Variants in EPB41L3 observed in about 807,000 individuals in gnomAD.
EPB41L3 encodes erythrocyte membrane protein band 4.1 like 3, also known as band 4.1-like protein 3.
Under a neutral mutation model 127.1 loss-of-function variants are expected in EPB41L3, and 57 were observed. That is an observed-to-expected ratio of 0.45 (90% CI 0.36 to 0.56). The LOEUF (loss-of-function observed/expected upper bound fraction) is 0.56. Among genes scored for constraint, EPB41L3 ranks in the 20% least tolerant of loss-of-function variants. EPB41L3 has a pLI of 0.00. For synonymous variants in EPB41L3, 572 were observed against 549.5 expected (o/e 1.04, Z -0.57); for missense variants, 1,273 against 1,372.2 (o/e 0.93, Z 1.14).
chr18:5,457,393 C>G (rs1474464596), intron 3 of EPB41L3, among the ~76,000 whole-genome samples: 1 of 151,666 alleles, frequency 6.6e-6, no homozygotes, highest in Non-Finnish European at 1.5e-5. Flanking sequence ...TTTTGGAAGT[C>G]TTGCTGATCC....
At chr18:5,585,245 C>T (rs1206049999) in intron 3 of EPB41L3, among the ~76,000 whole-genome samples, 1 of 152,126 alleles carries the variant, frequency 6.6e-6, no homozygotes, top group Non-Finnish European at 1.5e-5. Flanking sequence ...AATGTGTGAT[C>T]GTGTCTCTAC....
At chr18:5,573,625 T>C (rs2094306355) in intron 3 of EPB41L3, among the ~76,000 whole-genome samples, 1 of 152,180 alleles carries the variant, frequency 6.6e-6, no homozygotes. Context: ...ACTGGGTTGG[T>C]TCAAAGACTA....
chr18:5,435,018 T>C (rs1162613392), intron 6 of EPB41L3, among the ~76,000 whole-genome samples: 1 of 152,162 alleles, frequency 6.6e-6, no homozygotes, highest in African/African-American at 2.4e-5. Flanking sequence ...CCTAGGCTAA[T>C]AATATATGTG....
chr18:5,618,703 TAAAA>T (rs369909150), intron 1 of EPB41L3, among the ~76,000 whole-genome samples: 2 of 151,526 alleles, frequency 1.3e-5, no homozygotes, highest in Non-Finnish European at 2.9e-5. Flanking sequence ...TGAAAAGTGG[TAAAA>T]AAAAACTACA....
chr18:5,589,580 A>C (rs1599147127), intron 3 of EPB41L3, among the ~76,000 whole-genome samples: 1 of 152,256 alleles, frequency 6.6e-6, no homozygotes, highest in South Asian at 2.1e-4. Context: ...TGTTATAAAA[A>C]GAAAATGTTT....
intron 5 of EPB41L3, among the ~76,000 whole-genome samples, chr18:5,441,699 C>T (rs1267000327): frequency 6.6e-6 from 1 of 151,982 alleles, no homozygotes; most frequent in East Asian, 1.9e-4. Context: ...CTCCTGACCT[C>T]GTGATCCGCC....
chr18:5,617,182 T>C (rs932319463), intron 1 of EPB41L3, among the ~76,000 whole-genome samples: 2 of 152,212 alleles, frequency 1.3e-5, no homozygotes, highest in Admixed American at 1.3e-4. Context: ...TATAAAATGA[T>C]AGCACCATAT....
chr18:5,397,950 C>CG lies in EPB41L3; in HGVS notation c.2472+70dup. On this transcript the variant is annotated intron_variant, in intron 17 of 22. Transcript: ENST00000341928. This position sits in a 1 kb window ranked among gnomAD's most constrained non-coding sequence, Gnocchi z 4.1. ...CCAGCTGGATGCAACCACACACTCA[C>CG]GCCCAAAAAAAGGGTAAGGAAAGGC... The CG allele has an allele frequency of 6.3e-7, 1 of 1,596,092 alleles. No homozygotes were observed. Among genetic ancestry groups the CG allele is most frequent in the Non-Finnish European group, 8.6e-7 (1 of 1,167,578 alleles).
At chr18:5,480,370 G>A (rs926735074) in intron 2 of EPB41L3, among the ~76,000 whole-genome samples, 6 of 152,010 alleles carry the variant, frequency 3.9e-5, no homozygotes, top group Non-Finnish European at 5.9e-5. Flanking sequence ...TTTAAATATC[G>A]GATTTTAGCT....
intron 1 of EPB41L3, among the ~76,000 whole-genome samples, chr18:5,623,600 T>G (rs1407043204): frequency 6.6e-6 from 1 of 152,176 alleles, no homozygotes; most frequent in African/African-American, 2.4e-5. Context: ...TTTCTTCACC[T>G]GACCCCAAAT....
intron 1 of EPB41L3, among the ~76,000 whole-genome samples, chr18:5,536,707 G>A (rs567341926): frequency 1.3e-5 from 2 of 152,038 alleles, no homozygotes; most frequent in African/African-American, 2.4e-5. Flanking sequence ...AGCTACTTGG[G>A]AGGCTGAGGC....
At chr18:5,534,858 T>C (rs933811417) in intron 1 of EPB41L3, among the ~76,000 whole-genome samples, 1 of 152,196 alleles carries the variant, frequency 6.6e-6, no homozygotes, top group African/African-American at 2.4e-5. Flanking sequence ...CTGGGGAACC[T>C]TGCCTAGAGA....
chr18:5,397,931 G>A lies in EPB41L3; in HGVS notation c.2472+90C>T. 6.6e-7 allele frequency: 1 copy of A among 1,515,744 alleles called. No individual in the cohort carries two copies. 93.9% of individuals were successfully genotyped at this position (1,515,744 alleles called of 1,614,324 possible). On this transcript the variant is annotated intron_variant, in intron 17 of 22. Coordinates refer to ENST00000341928, the MANE Select transcript of EPB41L3 (RefSeq NM_012307.5). This position sits in a 1 kb window ranked among gnomAD's most constrained non-coding sequence, Gnocchi z 4.1. ...TGAGATGTTGAAGGCAAAGCCAGCT[G>A]GATGCAACCACACACTCACGCCCAA...
chr18:5,447,391 G>T (rs1013701213), intron 3 of EPB41L3, among the ~76,000 whole-genome samples: 2 of 147,948 alleles, frequency 1.4e-5, no homozygotes, highest in South Asian at 4.3e-4. Flanking sequence ...TAATTAACAT[G>T]TCCCACTCTT....
At chr18:5,477,100 C>T (rs977529680) in intron 3 of EPB41L3, among the ~76,000 whole-genome samples, 10 of 152,048 alleles carry the variant, frequency 6.6e-5, no homozygotes, top group Non-Finnish European at 1.2e-4. Context: ...ATGAATTCAG[C>T]GTGAAATGGA....
chr18:5,450,380 G>T (rs757906669), intron 3 of EPB41L3, among the ~76,000 whole-genome samples: 2 of 151,744 alleles, frequency 1.3e-5, no homozygotes, highest in Non-Finnish European at 2.9e-5. Context: ...CTCATCAGTT[G>T]TAACAAATGT....
intron 1 of EPB41L3, among the ~76,000 whole-genome samples, chr18:5,521,853 G>A (rs1401863811): frequency 6.6e-6 from 1 of 152,134 alleles, no homozygotes; most frequent in Non-Finnish European, 1.5e-5. Context: ...TGATGAATAA[G>A]TGAATAAATG....
Position 5,407,750 on chromosome 18 carries a change from GA to G in EPB41L3, c.2122-15del, listed in dbSNP as rs2075650037. ...CTCCTGGTCCGACTGCCAGCATCAA[GA>G]AAGAGTGGGAAATAAAGTCTTACAT... On this transcript the variant is annotated splice_polypyrimidine_tract_variant and intron_variant, in intron 14 of 22. Coordinates refer to ENST00000341928, the MANE Select transcript of EPB41L3 (RefSeq NM_012307.5). 4 of 1,613,466 alleles carry G rather than the reference GA, an allele frequency of 2.5e-6. No individual in the cohort carries two copies. In the Admixed American group the frequency reaches 5.0e-5, roughly 20 times the overall value.
At chr18:5,525,563 T>C (rs1036206711) in intron 1 of EPB41L3, among the ~76,000 whole-genome samples, 14 of 152,182 alleles carry the variant, frequency 9.2e-5, no homozygotes, top group Non-Finnish European at 1.6e-4. Context: ...GCTGGGATTA[T>C]ATGTAGAGAT....
Sources: allele counts gnomAD v4.1 joint callset (sites outside exome capture counted in the v4.1 genomes callset), GRCh38; gene constraint gnomAD v4.1.1; non-coding constraint Gnocchi (gnomAD v3.1); transcripts MANE v1.5; gene names NCBI Gene and HGNC (gene_info 2026-07-23, HGNC 2026-07-21).